SPMIP2: variants seen among roughly 807,000 people sequenced by gnomAD.
The protein encoded by SPMIP2 is protein SPMIP2.
the SPMIP2 span, among the ~76,000 whole-genome samples, chr4:159,060,699 A>G: frequency 6.6e-6 from 1 of 152,206 alleles, no homozygotes; most frequent in Non-Finnish European, 1.5e-5. Flanking sequence ...TCCTGTACAG[A>G]GCAAACTAAA....
At chr4:158,984,515 C>A in the SPMIP2 span, among the ~76,000 whole-genome samples, 5 of 151,478 alleles carry the variant, frequency 3.3e-5, no homozygotes, top group Non-Finnish European at 7.4e-5. Flanking sequence ...AACTGAACAA[C>A]CTGCTCCTGA....
the SPMIP2 span, among the ~76,000 whole-genome samples, chr4:159,034,872 C>G: frequency 6.6e-6 from 1 of 151,268 alleles, no homozygotes; most frequent in African/African-American, 2.4e-5. Flanking sequence ...GCCTGGGCGA[C>G]AGAGCGAGAC....
At chr4:159,012,254 TAAG>T in the SPMIP2 span, among the ~76,000 whole-genome samples, 49 of 152,272 alleles carry the variant, frequency 3.2e-4, no homozygotes, top group African/African-American at 1.1e-3. Context: ...AACAAAATTT[TAAG>T]ATATCTTACT....
chr4:159,044,591 T>C, the SPMIP2 span, among the ~76,000 whole-genome samples: 3 of 151,702 alleles, frequency 2.0e-5, no homozygotes, highest in African/African-American at 7.3e-5. Context: ...AACAGCAAGA[T>C]AGACAAGAAG....
At chr4:158,975,227 T>C in the SPMIP2 span, among the ~76,000 whole-genome samples, 1 of 151,582 alleles carries the variant, frequency 6.6e-6, no homozygotes, top group Admixed American at 6.6e-5. Context: ...ATTGCAAAAA[T>C]TTTCTCCCGT....
At chr4:158,921,369 G>A in the SPMIP2 span, among the ~76,000 whole-genome samples, 1 of 152,142 alleles carries the variant, frequency 6.6e-6, no homozygotes, top group East Asian at 1.9e-4. Flanking sequence ...TTGAACCCGG[G>A]AGGCAGAGGT....
the SPMIP2 span, among the ~76,000 whole-genome samples, chr4:158,959,400 A>G: frequency 3.3e-5 from 5 of 151,822 alleles, no homozygotes; most frequent in Non-Finnish European, 7.4e-5. Flanking sequence ...GGCTTTAAAT[A>G]TGGTACGTGT....
the SPMIP2 span, among the ~76,000 whole-genome samples, chr4:159,048,555 C>A: frequency 6.6e-6 from 1 of 151,978 alleles, no homozygotes; most frequent in Admixed American, 6.6e-5. Context: ...AGCCACCGAG[C>A]CACAAGAAAA....
At chr4:158,909,912 C>T in the SPMIP2 span, among the ~76,000 whole-genome samples, 68 of 152,168 alleles carry the variant, frequency 4.5e-4, 1 homozygote, top group South Asian at 2.7e-3. Flanking sequence ...CGTGGTGGCA[C>T]GCGCCTGTAG....
At chr4:158,993,856 A>T in the SPMIP2 span, among the ~76,000 whole-genome samples, 2 of 152,218 alleles carry the variant, frequency 1.3e-5, no homozygotes, top group Non-Finnish European at 2.9e-5. Flanking sequence ...CTTTCCTTAA[A>T]AACATGAAAT....
At chr4:159,064,054 C>A in the SPMIP2 span, among the ~76,000 whole-genome samples, 1 of 152,040 alleles carries the variant, frequency 6.6e-6, no homozygotes, top group Non-Finnish European at 1.5e-5. Context: ...ATGTTCAAAA[C>A]AAATCTCTTG....
chr4:158,966,043 T>G, the SPMIP2 span, among the ~76,000 whole-genome samples: 1 of 152,216 alleles, frequency 6.6e-6, no homozygotes, highest in Non-Finnish European at 1.5e-5. Flanking sequence ...AAAGAAACTT[T>G]CCTGTGAATT....
At chr4:158,992,423 C>A in the SPMIP2 span, among the ~76,000 whole-genome samples, 7 of 152,166 alleles carry the variant, frequency 4.6e-5, no homozygotes, top group African/African-American at 1.7e-4. Flanking sequence ...ATGATTTAAA[C>A]ATAGATGGTT....
At chr4:159,007,516 A>G in the SPMIP2 span, 2 of 838,802 alleles carry the variant, frequency 2.4e-6, no homozygotes, top group Non-Finnish European at 2.0e-6. Flanking sequence ...TCAAGATTGA[A>G]GATGGATGAT....
At chr4:159,055,976 C>T in the SPMIP2 span, among the ~76,000 whole-genome samples, 8 of 152,268 alleles carry the variant, frequency 5.3e-5, no homozygotes, top group Admixed American at 4.6e-4. Flanking sequence ...AAGTTATTCA[C>T]ACCTGTGTCA....
chr4:159,006,575 A>G, the SPMIP2 span, among the ~76,000 whole-genome samples: 3 of 152,170 alleles, frequency 2.0e-5, no homozygotes, highest in African/African-American at 7.2e-5. Flanking sequence ...CATTCAACCT[A>G]ATACTCATTT....
the SPMIP2 span, among the ~76,000 whole-genome samples, chr4:159,018,886 C>T: frequency 2.0e-5 from 3 of 152,182 alleles, no homozygotes; most frequent in South Asian, 2.1e-4. Context: ...GTCAGGAGAT[C>T]GTGACCATCC....
the SPMIP2 span, chr4:158,937,520 C>T: frequency 1.9e-5 from 3 of 154,342 alleles, no homozygotes; most frequent in African/African-American, 7.2e-5. Context: ...CTGGGAAAAT[C>T]GAGGTTCTAC....
the SPMIP2 span, among the ~76,000 whole-genome samples, chr4:158,898,473 T>TG: frequency 6.6e-6 from 1 of 152,238 alleles, no homozygotes; most frequent in Non-Finnish European, 1.5e-5. Flanking sequence ...TCCATGAGCA[T>TG]GGAATGTTCT....
Sources: gnomAD v4.1 joint callset for allele counts (sites outside exome capture counted in the v4.1 genomes callset) on GRCh38, gnomAD v4.1.1 for gene constraint, MANE v1.5 for transcripts, NCBI Gene and HGNC (gene_info 2026-07-23, HGNC 2026-07-21) for gene names.